BLTP3B: variants seen among roughly 807,000 people sequenced by gnomAD.
BLTP3B encodes UHRF1 (ICBP90) binding protein 1-like.
At chr12:100,056,837 G>T in the BLTP3B span, among the ~76,000 whole-genome samples, 1 of 149,294 alleles carries the variant, frequency 6.7e-6, no homozygotes, top group South Asian at 2.1e-4. Flanking sequence ...AAAAAAAAAA[G>T]AAAGAAAGAA....
chr12:100,039,692 G>A, the BLTP3B span: 2 of 1,614,072 alleles, frequency 1.2e-6, no homozygotes, highest in Non-Finnish European at 1.7e-6. Context: ...GCGTGACACT[G>A]CGTTGTTTCT....
chr12:100,055,843 C>A, the BLTP3B span, among the ~76,000 whole-genome samples: 2 of 152,094 alleles, frequency 1.3e-5, no homozygotes, highest in Non-Finnish European at 1.5e-5. Flanking sequence ...CAATCAGGTA[C>A]ATAGTAGACA....
At chr12:100,122,980 C>A in the BLTP3B span, among the ~76,000 whole-genome samples, 8 of 152,294 alleles carry the variant, frequency 5.3e-5, no homozygotes, top group East Asian at 1.4e-3. Context: ...TAATTCATCA[C>A]CCCTTCAGAG....
the BLTP3B span, among the ~76,000 whole-genome samples, chr12:100,101,144 T>C: frequency 4.4e-4 from 67 of 152,158 alleles, no homozygotes; most frequent in Non-Finnish European, 5.3e-4. Context: ...ACCTGTAAAA[T>C]CTGAAGTTGC....
the BLTP3B span, among the ~76,000 whole-genome samples, chr12:100,053,879 A>G: frequency 6.6e-6 from 1 of 152,312 alleles, no homozygotes; most frequent in East Asian, 1.9e-4. Context: ...GAATACTCAT[A>G]TATTTCTTGT....
the BLTP3B span, chr12:100,047,571 A>G: frequency 6.2e-7 from 1 of 1,613,554 alleles, no homozygotes. Context: ...CTCTACCACA[A>G]GATGATCAAT....
At chr12:100,088,648 T>C in the BLTP3B span, among the ~76,000 whole-genome samples, 1 of 152,086 alleles carries the variant, frequency 6.6e-6, no homozygotes, top group Admixed American at 6.5e-5. Flanking sequence ...TCCTAGAGGA[T>C]CATCTATTCA....
the BLTP3B span, among the ~76,000 whole-genome samples, chr12:100,113,431 C>T: frequency 6.6e-6 from 1 of 152,098 alleles, no homozygotes; most frequent in Non-Finnish European, 1.5e-5. Flanking sequence ...CCACTGCACT[C>T]CAGCCTGGGA....
the BLTP3B span, among the ~76,000 whole-genome samples, chr12:100,120,844 A>G: frequency 4.6e-5 from 7 of 152,202 alleles, no homozygotes; most frequent in Non-Finnish European, 5.9e-5. Context: ...AGATTTATAC[A>G]CGAATGTTCA....
the BLTP3B span, among the ~76,000 whole-genome samples, chr12:100,140,729 A>AAAATATATAT: frequency 1.5e-4 from 9 of 61,490 alleles, no homozygotes; most frequent in East Asian, 3.4e-4. Context: ...AAAAAAAAAA[A>AAAATATATAT]ATATATATAT....
chr12:100,112,923 C>T, the BLTP3B span, among the ~76,000 whole-genome samples: 2 of 151,226 alleles, frequency 1.3e-5, no homozygotes, highest in Admixed American at 6.6e-5. Context: ...GTAATCCCAG[C>T]ACTCTGGGAG....
the BLTP3B span, among the ~76,000 whole-genome samples, chr12:100,061,638 CAG>C: frequency 8.1e-6 from 1 of 123,710 alleles, no homozygotes; most frequent in East Asian, 2.3e-4. Flanking sequence ...GCCTGGATGA[CAG>C]AGCGAGACTC....
At chr12:100,046,470 G>T in the BLTP3B span, among the ~76,000 whole-genome samples, 1 of 151,498 alleles carries the variant, frequency 6.6e-6, no homozygotes, top group Non-Finnish European at 1.5e-5. Flanking sequence ...GCAAACTACC[G>T]CAAGGACAGA....
At chr12:100,108,245 T>C in the BLTP3B span, 2 of 898,858 alleles carry the variant, frequency 2.2e-6, no homozygotes, top group Non-Finnish European at 3.2e-6. Context: ...TGCAAAGGTA[T>C]CTTTCTTTTG....
the BLTP3B span, chr12:100,059,071 C>T: frequency 6.2e-7 from 1 of 1,614,058 alleles, no homozygotes. Flanking sequence ...TTTTGTGACT[C>T]TGCATATCTT....
At chr12:100,106,432 A>T in the BLTP3B span, among the ~76,000 whole-genome samples, 1 of 152,238 alleles carries the variant, frequency 6.6e-6, no homozygotes, top group Non-Finnish European at 1.5e-5. Context: ...GCCATAAAAA[A>T]AGAGCAAAAT....
At chr12:100,055,255 T>C in the BLTP3B span, among the ~76,000 whole-genome samples, 1 of 152,214 alleles carries the variant, frequency 6.6e-6, no homozygotes, top group African/African-American at 2.4e-5. Context: ...GCAAGCTGCT[T>C]ACCTCCCTAG....
At chr12:100,051,178 T>G in the BLTP3B span, 1 of 1,613,992 alleles carries the variant, frequency 6.2e-7, no homozygotes, top group Admixed American at 1.7e-5. Flanking sequence ...CATTCACACT[T>G]TCTGCTGTGC....
chr12:100,060,912 G>C, the BLTP3B span, among the ~76,000 whole-genome samples: 3 of 152,156 alleles, frequency 2.0e-5, no homozygotes, highest in African/African-American at 7.2e-5. Flanking sequence ...AGGGAACACT[G>C]TAACAATGTC....
Sources: gnomAD v4.1 joint callset for allele counts (sites outside exome capture counted in the v4.1 genomes callset) on GRCh38, gnomAD v4.1.1 for gene constraint, MANE v1.5 for transcripts, NCBI Gene and HGNC (gene_info 2026-07-23, HGNC 2026-07-21) for gene names.